The following DRC9 variants were observed in gnomAD, a reference collection of about 807,000 sequenced individuals.
DRC9 encodes dynein regulatory complex subunit 9.
At chr3:197,901,098 T>C in the DRC9 span, among the ~76,000 whole-genome samples, 4 of 152,116 alleles carry the variant, frequency 2.6e-5, no homozygotes, top group African/African-American at 7.2e-5. The surrounding 1 kb of genome is among the most constrained non-coding windows in gnomAD (Gnocchi z 4.4). Context: ...TCAACTATAA[T>C]GGGGTAGAGT....
At chr3:197,913,772 T>C in the DRC9 span, 9 of 1,157,270 alleles carry the variant, frequency 7.8e-6, no homozygotes, top group Non-Finnish European at 1.0e-5. Context: ...CTGTTGCCGA[T>C]AGAGATGGAG....
At chr3:197,900,958 G>C in the DRC9 span, among the ~76,000 whole-genome samples, 1 of 152,192 alleles carries the variant, frequency 6.6e-6, no homozygotes, top group Non-Finnish European at 1.5e-5. The surrounding 1 kb of genome is among the most constrained non-coding windows in gnomAD (Gnocchi z 4.7). Flanking sequence ...GGTACACCAT[G>C]GGCCTTGGGT....
chr3:197,914,078 A>G, the DRC9 span: 1 of 1,563,498 alleles, frequency 6.4e-7, no homozygotes, highest in African/African-American at 1.4e-5. Flanking sequence ...AATTGAAAAT[A>G]CATTCTACCT....
chr3:197,931,277 A>G, the DRC9 span, among the ~76,000 whole-genome samples: 1 of 151,768 alleles, frequency 6.6e-6, no homozygotes, highest in Non-Finnish European at 1.5e-5. Context: ...CAGTCAGGAG[A>G]TTGAGACCAG....
At chr3:197,934,237 T>C in the DRC9 span, among the ~76,000 whole-genome samples, 1 of 137,142 alleles carries the variant, frequency 7.3e-6, no homozygotes, top group Non-Finnish European at 1.5e-5. Flanking sequence ...CAGGCTGGAG[T>C]GCAGTGGCAC....
the DRC9 span, chr3:197,913,217 T>C: frequency 5.5e-6 from 1 of 180,736 alleles, no homozygotes; most frequent in Non-Finnish European, 1.2e-5. Context: ...GAGAAGGGAG[T>C]CTCCCTAGTT....
chr3:197,942,935 ATGT>A, the DRC9 span, among the ~76,000 whole-genome samples: 2 of 152,014 alleles, frequency 1.3e-5, no homozygotes, highest in Admixed American at 1.3e-4. Context: ...AAGTTATATA[ATGT>A]TATTATTTAT....
At chr3:197,899,871 A>G in the DRC9 span, among the ~76,000 whole-genome samples, 1 of 152,304 alleles carries the variant, frequency 6.6e-6, no homozygotes, top group South Asian at 2.1e-4. Flanking sequence ...GAGGCACTGA[A>G]GAGGGTAGGA....
chr3:197,938,646 G>A, the DRC9 span: 34 of 1,613,990 alleles, frequency 2.1e-5, no homozygotes, highest in Admixed American at 3.3e-5. Context: ...ACTCCACAGC[G>A]AACCGGCCTC....
the DRC9 span, chr3:197,938,465 G>A: frequency 2.3e-4 from 214 of 931,008 alleles, no homozygotes; most frequent in Non-Finnish European, 3.2e-4. Context: ...ACCTGTAGAC[G>A]ATAGCAGTCA....
chr3:197,904,561 C>A, the DRC9 span, among the ~76,000 whole-genome samples: 4 of 152,056 alleles, frequency 2.6e-5, no homozygotes, highest in African/African-American at 9.7e-5. Flanking sequence ...TACCAACAGA[C>A]GAACGGATAA....
the DRC9 span, among the ~76,000 whole-genome samples, chr3:197,891,793 T>C: frequency 9.8e-5 from 15 of 152,350 alleles, no homozygotes; most frequent in African/African-American, 3.6e-4. Flanking sequence ...AAATGAAATA[T>C]GAATTAATGT....
chr3:197,923,166 T>C, the DRC9 span, among the ~76,000 whole-genome samples: 1 of 152,206 alleles, frequency 6.6e-6, no homozygotes, highest in Admixed American at 6.6e-5. Flanking sequence ...TTGCCCAGGC[T>C]GCAGTGCAGT....
the DRC9 span, chr3:197,950,864 C>A: frequency 6.9e-7 from 1 of 1,439,654 alleles, no homozygotes; most frequent in South Asian, 1.2e-5. Flanking sequence ...GCTTTAGGGG[C>A]TTAAACGAGA....
the DRC9 span, among the ~76,000 whole-genome samples, chr3:197,899,872 G>A: frequency 6.6e-6 from 1 of 152,180 alleles, no homozygotes; most frequent in Non-Finnish European, 1.5e-5. Flanking sequence ...AGGCACTGAA[G>A]AGGGTAGGAA....
At chr3:197,911,974 A>G in the DRC9 span, among the ~76,000 whole-genome samples, 2 of 150,858 alleles carry the variant, frequency 1.3e-5, no homozygotes, top group Admixed American at 1.3e-4. Flanking sequence ...ATTGGCCACT[A>G]TACTATTGGG....
At chr3:197,915,880 C>T in the DRC9 span, among the ~76,000 whole-genome samples, 5 of 152,356 alleles carry the variant, frequency 3.3e-5, no homozygotes, top group East Asian at 1.9e-4. Context: ...CCACCTGCCT[C>T]GGTCTCCCAA....
the DRC9 span, among the ~76,000 whole-genome samples, chr3:197,891,190 T>G: frequency 6.6e-6 from 1 of 152,216 alleles, no homozygotes. Context: ...ATTTCGTCTC[T>G]TGGCCTAGGT....
At chr3:197,946,235 A>C in the DRC9 span, among the ~76,000 whole-genome samples, 158 of 151,490 alleles carry the variant, frequency 1.0e-3, 2 homozygotes, top group African/African-American at 3.7e-3. Context: ...GGAGATCGAG[A>C]CCATCCTGGC....
Sources: allele counts gnomAD v4.1 joint callset (sites outside exome capture counted in the v4.1 genomes callset), GRCh38; gene constraint gnomAD v4.1.1; non-coding constraint Gnocchi (gnomAD v3.1); transcripts MANE v1.5; gene names NCBI Gene and HGNC (gene_info 2026-07-23, HGNC 2026-07-21).